Variants in LRMDA observed in about 807,000 individuals in gnomAD.
The protein encoded by LRMDA is leucine rich melanocyte differentiation associated, also known as leucine-rich melanocyte differentiation-associated protein.
LRMDA carries 18 observed loss-of-function variants against 29.8 expected under a neutral mutation model. The observed-to-expected ratio is 0.60, with a 90% confidence interval of 0.42 to 0.90. The LOEUF (loss-of-function observed/expected upper bound fraction) is 0.90. Ranked by LOEUF, LRMDA falls within the 40% of genes least tolerant of loss-of-function variation. The pLI is 0.00. For synonymous variants in LRMDA, 125 were observed against 109.4 expected, an observed-to-expected ratio of 1.14 and a Z score of -0.89; for missense variants, 273 against 273.9, an observed-to-expected ratio of 1.00 and a Z score of 0.02.
At chr10:76,208,143 C>T (rs750127698) in intron 5 of LRMDA, among the ~76,000 whole-genome samples, 3 of 152,056 alleles carry the variant, frequency 2.0e-5, no homozygotes, top group East Asian at 1.9e-4. Flanking sequence ...TATAAACCAA[C>T]GAACTATGGG....
In LRMDA at chr10:76,082,526, T is replaced by A. The variant is rs73281589; in HGVS notation, c.516+23743T>A. Among the ~76,000 whole-genome samples the A allele has an allele frequency of 5.3e-3, 813 of 152,154 alleles. 3 individuals are homozygous for A. Among genetic ancestry groups the A allele is most frequent in the African/African-American group, 0.019 (781 of 41,510 alleles). On this transcript the variant is annotated intron_variant, in intron 5 of 6. Coordinates refer to ENST00000611255, the MANE Select transcript of LRMDA (RefSeq NM_001305581.2). ...AATAAGTCTAGCATTTTCCATTAGA[T>A]GTTTATTGCTCACCGAGAATTGGCT...
rs1232592983 is a variant in LRMDA, at chr10:76,533,691, T to C, written c.602-23518T>C. 2.0e-5 allele frequency among the ~76,000 whole-genome samples: 3 copies of C among 152,336 alleles called. No homozygotes were observed. In the East Asian group the frequency reaches 5.8e-4, roughly 29 times the overall value. ...CTTTGATACTAAAATACAGCTATAA[T>C]GGTTCTGCAGCATTGCCAGTTATTT... On this transcript the variant is annotated intron_variant, in intron 6 of 6. Transcript: ENST00000611255.
chr10:76,279,694 C>T (rs112339540), intron 5 of LRMDA, among the ~76,000 whole-genome samples: 10,198 of 151,930 alleles, frequency 0.067, 955 homozygotes, highest in African/African-American at 0.21. Context: ...TACAGGTGCC[C>T]ACCACCATAC....
At chr10:75,825,166 A>G (rs1379365105) in intron 2 of LRMDA, among the ~76,000 whole-genome samples, 1 of 152,174 alleles carries the variant, frequency 6.6e-6, no homozygotes, top group Non-Finnish European at 1.5e-5. Flanking sequence ...CCCTATGGGC[A>G]TGGGCCACTG....
intron 6 of LRMDA, among the ~76,000 whole-genome samples, chr10:76,384,108 A>T (rs541433800): frequency 7.2e-5 from 11 of 151,868 alleles, no homozygotes; most frequent in Non-Finnish European, 1.2e-4. Context: ...TGTCCATAGG[A>T]TGTGTTCAGT....
At chr10:76,313,823 C>T (rs1398107411) in intron 5 of LRMDA, among the ~76,000 whole-genome samples, 1 of 151,448 alleles carries the variant, frequency 6.6e-6, no homozygotes, top group Non-Finnish European at 1.5e-5. Context: ...TTAATTGTCA[C>T]AGATACTTTC....
rs562657041 is a variant in LRMDA at position 76,219,220 on chromosome 10, A to C, written c.517-105181A>C. On this transcript the variant is annotated intron_variant, in intron 5 of 6. Transcript: ENST00000611255. ...AACTGCATCAACTAACGAGCAAAATAACCAGCTAACATCATAATGACAGGA... is the reference window on the plus strand; with the variant it reads ...AACTGCATCAACTAACGAGCAAAATCACCAGCTAACATCATAATGACAGGA... 7.4e-3 allele frequency among the ~76,000 whole-genome samples: 1,128 copies of C among 152,296 alleles called. 13 individuals are homozygous for C. The highest frequency in any genetic ancestry group is 0.026 in the African/African-American group (1,060 of 41,558).
chr10:76,025,252 G>T (rs1848042922), intron 2 of LRMDA, among the ~76,000 whole-genome samples: 1 of 149,214 alleles, frequency 6.7e-6, no homozygotes, highest in Admixed American at 6.7e-5. Context: ...GAAGGAGAAT[G>T]ATGGGAGCAA....
intron 2 of LRMDA, among the ~76,000 whole-genome samples, chr10:75,720,760 A>G (rs1842556869): frequency 6.6e-6 from 1 of 152,216 alleles, no homozygotes; most frequent in Admixed American, 6.5e-5. Flanking sequence ...GGCTCTCAAG[A>G]TGAAATCTCT....
Position 75,463,326 on chromosome 10 carries a change from A to T in LRMDA, c.131+24832A>T, listed in dbSNP as rs79003604. ...GGTTGGGCCTGAGACTGAGTTTCTA[A>T]CAAGTTCCCAGGGGATGCTGACCTG... On this transcript the variant is annotated intron_variant, in intron 2 of 6. Transcript: ENST00000611255. 4.5e-3 allele frequency among the ~76,000 whole-genome samples: 691 copies of T among 152,198 alleles called. 25 individuals are homozygous for T. The East Asian group carries it at 0.11, about 23-fold the overall frequency.
intron 2 of LRMDA, among the ~76,000 whole-genome samples, chr10:75,715,604 G>A (rs975437965): frequency 4.6e-5 from 7 of 151,992 alleles, no homozygotes; most frequent in East Asian, 3.8e-4. Flanking sequence ...TAATAGAGAC[G>A]CACAGTATTT....
chr10:75,600,158 G>A (rs1840863271), intron 2 of LRMDA, among the ~76,000 whole-genome samples: 1 of 147,964 alleles, frequency 6.8e-6, no homozygotes, highest in Non-Finnish European at 1.5e-5. Context: ...GGCTCTGATG[G>A]ATGACACCTT....
intron 2 of LRMDA, among the ~76,000 whole-genome samples, chr10:76,007,322 A>T (rs1847689360): frequency 6.7e-6 from 1 of 148,640 alleles, no homozygotes; most frequent in South Asian, 2.1e-4. Flanking sequence ...GACGAATGGG[A>T]GGGAAGCAGA....
intron 6 of LRMDA, among the ~76,000 whole-genome samples, chr10:76,380,827 T>C (rs1343451522): frequency 2.0e-4 from 31 of 151,858 alleles, no homozygotes; most frequent in Non-Finnish European, 5.9e-5. Context: ...GTTTAGTTAG[T>C]CCTACTATTA....
At chr10:75,876,933 C>T (rs984823112) in intron 2 of LRMDA, among the ~76,000 whole-genome samples, 7 of 152,194 alleles carry the variant, frequency 4.6e-5, no homozygotes, top group East Asian at 1.9e-4. Flanking sequence ...AGGTCTGGGG[C>T]GGAGTGTGAA....
intron 2 of LRMDA, among the ~76,000 whole-genome samples, chr10:75,652,257 A>G (rs531197634): frequency 6.6e-6 from 1 of 152,228 alleles, no homozygotes; most frequent in Non-Finnish European, 1.5e-5. Context: ...ACGTTGTGTA[A>G]CAGTAAGCAG....
chr10:76,013,795 C>T (rs1456068581), intron 2 of LRMDA, among the ~76,000 whole-genome samples: 1 of 151,920 alleles, frequency 6.6e-6, no homozygotes, highest in Non-Finnish European at 1.5e-5. Flanking sequence ...TAGGCTGGGG[C>T]AAGGGCTGTT....
rs575446578 is a variant in LRMDA, at chr10:76,004,879, C to T, written c.132-31129C>T. Among the ~76,000 whole-genome samples the T allele has an allele frequency of 1.9e-3, 292 of 152,126 alleles. 2 individuals are homozygous for T. The highest frequency in any genetic ancestry group is 6.6e-3 in the African/African-American group (275 of 41,504). ...AGTAGCTGGGACTACAGGCGCCTGC[C>T]ACCACACCTGGTTAATTTTTTGTAT... On this transcript the variant is annotated intron_variant, in intron 2 of 6. Coordinates refer to ENST00000611255, the MANE Select transcript of LRMDA (RefSeq NM_001305581.2).
intron 2 of LRMDA, among the ~76,000 whole-genome samples, chr10:75,888,624 G>A (rs1371094418): frequency 6.6e-6 from 1 of 152,204 alleles, no homozygotes; most frequent in Non-Finnish European, 1.5e-5. Flanking sequence ...CTAGTAGGAA[G>A]CAAATATTAG....
Sources: gnomAD v4.1 joint callset for allele counts (sites outside exome capture counted in the v4.1 genomes callset) on GRCh38, gnomAD v4.1.1 for gene constraint, MANE v1.5 for transcripts, NCBI Gene and HGNC (gene_info 2026-07-23, HGNC 2026-07-21) for gene names.